TNFRSF10D: variants seen among roughly 807,000 people sequenced by gnomAD.
TNFRSF10D encodes TNF receptor superfamily member 10d.
In TNFRSF10D, 28 loss-of-function variants were observed where a neutral mutation model predicts 42.1. The ratio of observed to expected loss-of-function variants is 0.66; its 90% CI spans 0.49 to 0.91. The LOEUF (loss-of-function observed/expected upper bound fraction) is 0.91, where lower values mean the gene tolerates loss of function less well. Ranked by LOEUF, TNFRSF10D falls within the 40% of genes least tolerant of loss-of-function variation. The pLI is 0.00. For missense variants in TNFRSF10D, 503 were observed against 486.1 expected, an observed-to-expected ratio of 1.03 and a Z score of -0.33; for synonymous variants, 186 against 189.4, an observed-to-expected ratio of 0.98 and a Z score of 0.15.
intron 2 of TNFRSF10D, among the ~76,000 whole-genome samples, 172 bp downstream of exon 2, chr8:23,154,702 G>A (rs945285885): frequency 2.6e-5 from 4 of 152,222 alleles, no homozygotes; most frequent in African/African-American, 9.6e-5. Context: ...GAAAATTGCT[G>A]AGTAGACTTT....
At chr8:23,158,432 A>G (rs1334850557) in intron 1 of TNFRSF10D, among the ~76,000 whole-genome samples, 1 of 152,172 alleles carries the variant, frequency 6.6e-6, no homozygotes, top group African/African-American at 2.4e-5. Context: ...TTTGCTTTCC[A>G]CAGACAGCAT....
chr8:23,142,113 T>C (rs1800032801), intron 7 of TNFRSF10D, among the ~76,000 whole-genome samples: 1 of 151,948 alleles, frequency 6.6e-6, no homozygotes, highest in Admixed American at 6.5e-5. Context: ...CTACTAAAAA[T>C]ACAAAAAATT....
At chr8:23,145,583 G>A (rs2128836779) in intron 5 of TNFRSF10D, 85 bp downstream of exon 5, 2 of 1,592,988 alleles carry the variant, frequency 1.3e-6, no homozygotes, top group East Asian at 2.2e-5. Context: ...CCAGGGGCAG[G>A]GATGGGGATT....
rs368669679 is a variant in TNFRSF10D at position 23,146,941 on chromosome 8, G to A, written c.482+20C>T. 2.5e-6 allele frequency: 4 copies of A among 1,596,680 alleles called. No homozygotes were observed. Among genetic ancestry groups the A allele is most frequent in the Non-Finnish European group, 3.4e-6 (4 of 1,164,254 alleles). On this transcript the variant is annotated intron_variant, in intron 4 of 8. Coordinates refer to ENST00000312584, the MANE Select transcript of TNFRSF10D (RefSeq NM_003840.5). ...TTCAGGTTCCTGAAAGCTGTTGGGAGCCCCTGGCTGCTGTCTTACCCTGTT... is the reference window on the plus strand; with the variant it reads ...TTCAGGTTCCTGAAAGCTGTTGGGAACCCCTGGCTGCTGTCTTACCCTGTT...
At chr8:23,141,270 C>T (rs1396560013) in intron 7 of TNFRSF10D, among the ~76,000 whole-genome samples, 870 of 151,952 alleles carry the variant, frequency 5.7e-3, no homozygotes, top group African/African-American at 0.018. Flanking sequence ...TTTGAGAGGA[C>T]GAGGCAGGCA....
chr8:23,146,221 G>A (rs924005457), intron 4 of TNFRSF10D, among the ~76,000 whole-genome samples: 18 of 152,284 alleles, frequency 1.2e-4, no homozygotes, highest in Middle Eastern at 3.4e-3. Context: ...AGGAGGAGCC[G>A]CACTCCAGGG....
chr8:23,152,321 G>A (rs577371056), intron 2 of TNFRSF10D, among the ~76,000 whole-genome samples: 1 of 152,156 alleles, frequency 6.6e-6, no homozygotes, highest in African/African-American at 2.4e-5. Flanking sequence ...CCGGTGTGTG[G>A]GGAGCAAGAG....
rs1800233148 is a variant in TNFRSF10D, at chr8:23,153,361, TAGAC to T, written c.256+1509_256+1512del. 2.0e-5 allele frequency among the ~76,000 whole-genome samples: 3 copies of T among 151,970 alleles called. No homozygotes were observed. The East Asian group carries it at 5.8e-4, about 29-fold the overall frequency. ...AAAGCACAGGCAACAAAAGCAAAAATAGACAGATGAGATTATATCAGACTAGAAA... is the reference window on the plus strand; with the variant it reads ...AAAGCACAGGCAACAAAAGCAAAAATAGATGAGATTATATCAGACTAGAAA... On this transcript the variant is annotated intron_variant, in intron 2 of 8. Coordinates refer to ENST00000312584, the MANE Select transcript of TNFRSF10D (RefSeq NM_003840.5).
chr8:23,152,053 A>ATGCC (rs1476701546), intron 2 of TNFRSF10D, among the ~76,000 whole-genome samples: 665 of 151,658 alleles, frequency 4.4e-3, no homozygotes, highest in African/African-American at 0.014. Context: ...CTAGCAGTAG[A>ATGCC]CCTGGTGGCT....
At position 23,144,592 on chromosome 8, in the gene TNFRSF10D, G is replaced by A. The variant is rs149257537; in HGVS notation, c.812C>T (p.Ala271Val). 7.0e-5 allele frequency: 113 copies of A among 1,613,968 alleles called. No individual in the cohort carries two copies. Among genetic ancestry groups the A allele is most frequent in the African/African-American group, 1.7e-4 (13 of 74,898 alleles). The change falls in exon 7 of 9, where the codon GCG (alanine) becomes GTG (valine). Residue 271 changes from alanine (A) to valine (V), a missense_variant. By Grantham distance (64) the Ala-to-Val change is moderately conservative. Transcript: ENST00000312584. ...RRSCPSRVPG[A>V]EDNARNETLS... ...GGTCTCGTTGCGGGCATTGTCCTCCGCCCCAGGAACTCGTGAAGGACATGA... is the reference window on the plus strand; with the variant it reads ...GGTCTCGTTGCGGGCATTGTCCTCCACCCCAGGAACTCGTGAAGGACATGA...
rs756420214 is a variant in TNFRSF10D, at chr8:23,163,772, C to G, written c.150+14G>C. 3 of 1,607,104 alleles carry G rather than the reference C, an allele frequency of 1.9e-6. No individual in the cohort carries two copies. In the African/African-American group the frequency reaches 4.0e-5, roughly 22 times the overall value. On this transcript the variant is annotated intron_variant, in intron 1 of 8. Coordinates refer to ENST00000312584, the MANE Select transcript of TNFRSF10D (RefSeq NM_003840.5). ...TGCGCTCTTCCCCAGCCAGGGACCG[C>G]GGCGGAGACTCACCGGCAGCAGAAC...
chr8:23,138,252 T>G lies in TNFRSF10D; in HGVS notation c.963A>C (p.Ala321=). ...PEEPQRLLEQ[A]EAEGCQRRRL... ...TCCTCCTCTGACACCCTTCAGCTTC[T>G]GCCTGTTCCTGTAACACACAGTGGG... The change falls in exon 8 of 9, where the codon GCA becomes GCC. Residue 321 remains alanine (A), a synonymous_variant. Coordinates refer to ENST00000312584, the MANE Select transcript of TNFRSF10D (RefSeq NM_003840.5). The G allele has an allele frequency of 6.2e-7, 1 of 1,614,238 alleles. No individual in the cohort carries two copies. The highest frequency in any genetic ancestry group is 8.5e-7 in the Non-Finnish European group (1 of 1,180,038).
chr8:23,138,097 C>T (rs1814371265), intron 8 of TNFRSF10D, 91 bp downstream of exon 8: 4 of 1,609,042 alleles, frequency 2.5e-6, no homozygotes, highest in East Asian at 4.5e-5. Context: ...GTGAAACCTC[C>T]AGAAGAGCCC....
chr8:23,147,811 C>G (rs563700672), intron 3 of TNFRSF10D, among the ~76,000 whole-genome samples: 2 of 151,984 alleles, frequency 1.3e-5, no homozygotes, highest in African/African-American at 4.8e-5. Context: ...GCCTGTAAGC[C>G]CAGTACTTTG....
intron 7 of TNFRSF10D, among the ~76,000 whole-genome samples, chr8:23,143,343 G>C: frequency 6.6e-6 from 1 of 151,840 alleles, no homozygotes; most frequent in Non-Finnish European, 1.5e-5. Context: ...AAAATGTGCA[G>C]CGCGGCCAGG....
intron 1 of TNFRSF10D, among the ~76,000 whole-genome samples, chr8:23,157,191 C>T (rs543696513): frequency 1.3e-5 from 2 of 152,060 alleles, no homozygotes; most frequent in Non-Finnish European, 2.9e-5. Flanking sequence ...TCAGGAGTAA[C>T]TCCCCATCTC....
chr8:23,147,558 C>G (rs1800138163), intron 3 of TNFRSF10D, among the ~76,000 whole-genome samples: 1 of 152,188 alleles, frequency 6.6e-6, no homozygotes, highest in Non-Finnish European at 1.5e-5. Context: ...CAGGCCTCCT[C>G]TATGCTGTAA....
chr8:23,156,889 G>T (rs1585265307), intron 1 of TNFRSF10D, among the ~76,000 whole-genome samples: 1 of 152,008 alleles, frequency 6.6e-6, no homozygotes, highest in East Asian at 1.9e-4. Context: ...TCTTTTTGTG[G>T]TTTCTATTCT....
intron 7 of TNFRSF10D, among the ~76,000 whole-genome samples, chr8:23,140,552 G>C (rs116368876): frequency 5.7e-3 from 871 of 151,996 alleles, no homozygotes; most frequent in African/African-American, 0.018. Flanking sequence ...AATTAATATG[G>C]CTAAAATGGG....
Sources: gnomAD v4.1 joint callset for allele counts (sites outside exome capture counted in the v4.1 genomes callset) on GRCh38, gnomAD v4.1.1 for gene constraint, MANE v1.5 for transcripts, NCBI Gene and HGNC (gene_info 2026-07-23, HGNC 2026-07-21) for gene names.